MCUB: variants seen among roughly 807,000 people sequenced by gnomAD.
The protein encoded by MCUB is mitochondrial calcium uniporter dominant negative subunit beta.
A neutral mutation model predicts 41.4 loss-of-function variants in MCUB; 46 were observed. That is an observed-to-expected ratio of 1.11 (90% CI 0.88 to 1.42). The LOEUF (loss-of-function observed/expected upper bound fraction) is 1.42, where lower values mean the gene tolerates loss of function less well. Ranked by LOEUF, MCUB falls within the 40% of genes most tolerant of loss-of-function variation. The pLI is 0.00. For missense variants in MCUB, 403 were observed against 404.9 expected (o/e 1.00, Z 0.04); for synonymous variants, 148 against 148.2 (o/e 1.00, Z 0.01).
intron 1 of MCUB, among the ~76,000 whole-genome samples, chr4:109,614,312 G>A (rs1242821696): frequency 2.6e-5 from 4 of 152,072 alleles, no homozygotes; most frequent in Non-Finnish European, 2.9e-5. Flanking sequence ...GTGAATGTTT[G>A]TGTCACCATA....
At chr4:109,637,073 T>A (rs924335533) in intron 1 of MCUB, among the ~76,000 whole-genome samples, 1 of 152,054 alleles carries the variant, frequency 6.6e-6, no homozygotes, top group Non-Finnish European at 1.5e-5. Flanking sequence ...CATTTAGCTA[T>A]GGAAGGAAGA....
At chr4:109,636,809 T>C (rs746033090) in intron 1 of MCUB, among the ~76,000 whole-genome samples, 3 of 152,194 alleles carry the variant, frequency 2.0e-5, no homozygotes, top group Non-Finnish European at 4.4e-5. Context: ...CACTCCAGCC[T>C]GGGAGACGGA....
At chr4:109,621,765 C>T (rs1728254266) in intron 1 of MCUB, among the ~76,000 whole-genome samples, 1 of 152,202 alleles carries the variant, frequency 6.6e-6, no homozygotes, top group African/African-American at 2.4e-5. Context: ...TATAATGTCA[C>T]TATAAGTTAT....
chr4:109,674,852 T>A (rs1182942681), intron 4 of MCUB, among the ~76,000 whole-genome samples: 10 of 152,260 alleles, frequency 6.6e-5, no homozygotes, highest in Non-Finnish European at 1.2e-4. Flanking sequence ...GAACACTTTT[T>A]AAATGTGTGT....
chr4:109,592,876 G>A (rs543394609), intron 1 of MCUB, among the ~76,000 whole-genome samples: 96 of 152,176 alleles, frequency 6.3e-4, no homozygotes, highest in Non-Finnish European at 8.1e-4. Context: ...TAGCCATGGA[G>A]AGAATTTGAA....
At chr4:109,639,556 C>A (rs1485275541) in intron 1 of MCUB, among the ~76,000 whole-genome samples, 1 of 152,020 alleles carries the variant, frequency 6.6e-6, no homozygotes, top group African/African-American at 2.4e-5. Flanking sequence ...GGCATGATGG[C>A]AGGTGCCTGT....
chr4:109,637,965 G>C (rs908793543), intron 1 of MCUB, among the ~76,000 whole-genome samples: 2 of 152,166 alleles, frequency 1.3e-5, no homozygotes, highest in African/African-American at 4.8e-5. Flanking sequence ...GATATTGCAG[G>C]TTTGGTTCCA....
At chr4:109,616,832 CT>C (rs930029316) in intron 1 of MCUB, among the ~76,000 whole-genome samples, 1 of 152,098 alleles carries the variant, frequency 6.6e-6, no homozygotes, top group African/African-American at 2.4e-5. Flanking sequence ...GATTTGCCCT[CT>C]TCCAAAAAAG....
At chr4:109,630,209 C>G (rs1728444122) in intron 1 of MCUB, among the ~76,000 whole-genome samples, 1 of 151,954 alleles carries the variant, frequency 6.6e-6, no homozygotes, top group African/African-American at 2.4e-5. Flanking sequence ...GCCTATAATC[C>G]CAGCTACTTG....
chr4:109,561,561 CAG>C (rs1726638127), intron 1 of MCUB, among the ~76,000 whole-genome samples: 4 of 152,174 alleles, frequency 2.6e-5, no homozygotes, highest in East Asian at 3.9e-4. Flanking sequence ...AATGTAAGAA[CAG>C]GGGCAAACTC....
Position 109,682,696 on chromosome 4 carries a change from T to C in MCUB, c.566T>C (p.Leu189Pro), listed in dbSNP as rs762004439. The C allele has an allele frequency of 3.7e-6, 6 of 1,613,652 alleles. No individual in the cohort carries two copies. In the East Asian group the frequency reaches 6.7e-5, roughly 18 times the overall value. ...CAGAAAAAGAGAGAGCACCATTTAC[T>C]GGAGAAAATTGACCACCTGAAGGAA... The part of the protein sequence containing the change: ...ESQKKREHHL[L>P]EKIDHLKEQL... The change falls in exon 5 of 8, where the codon CTG (leucine) becomes CCG (proline). Residue 189 changes from leucine (L) to proline (P), a missense_variant. Physicochemically the swap from Leu to Pro is moderately conservative, Grantham distance 98 (BLOSUM62 -3). Transcript: ENST00000394650.
At chr4:109,649,075 A>G (rs185150388) in intron 1 of MCUB, among the ~76,000 whole-genome samples, 38 of 152,326 alleles carry the variant, frequency 2.5e-4, no homozygotes, top group Non-Finnish European at 8.8e-5. Context: ...TTTGTTCACT[A>G]CAGCTGAGTA....
At chr4:109,568,464 A>G (rs914690693) in intron 1 of MCUB, among the ~76,000 whole-genome samples, 1 of 151,216 alleles carries the variant, frequency 6.6e-6, no homozygotes, top group Non-Finnish European at 1.5e-5. Context: ...CTTGTCATGT[A>G]TTTTCACCCC....
At chr4:109,640,758 A>G (rs528050352) in intron 1 of MCUB, among the ~76,000 whole-genome samples, 2 of 152,348 alleles carry the variant, frequency 1.3e-5, no homozygotes, top group South Asian at 2.1e-4. Context: ...TCATGTTTCC[A>G]TATCAGCAAT....
chr4:109,672,692 G>A lies in MCUB; in HGVS notation c.451+8298G>A, dbSNP rs144908706. On this transcript the variant is annotated intron_variant, in intron 4 of 7. Coordinates refer to ENST00000394650, the MANE Select transcript of MCUB (RefSeq NM_017918.5). The stretch of plus-strand genomic sequence containing the variant: ...ACTTTGCAGCCAAATTCTAGATCAG[G>A]CAAGAGCCATCAACAGGGAGGGAAT... Among the ~76,000 whole-genome samples the A allele has an allele frequency of 5.3e-5, 8 of 152,254 alleles. No individual in the cohort carries two copies. The East Asian group carries it at 1.5e-3, about 29-fold the overall frequency.
chr4:109,653,133 T>C (rs1339397995), intron 1 of MCUB, among the ~76,000 whole-genome samples: 2 of 152,104 alleles, frequency 1.3e-5, no homozygotes, highest in Non-Finnish European at 2.9e-5. Flanking sequence ...TCCCAGCACT[T>C]TGGGAGGCTG....
At chr4:109,574,465 C>A (rs1380055946) in intron 1 of MCUB, among the ~76,000 whole-genome samples, 7 of 152,166 alleles carry the variant, frequency 4.6e-5, no homozygotes, top group Admixed American at 4.6e-4. Flanking sequence ...GAGCCTGGTG[C>A]TGGAGAAGCC....
chr4:109,636,073 T>A (rs575428575), intron 1 of MCUB, among the ~76,000 whole-genome samples: 1 of 152,318 alleles, frequency 6.6e-6, no homozygotes, highest in East Asian at 1.9e-4. Flanking sequence ...ATAGACTTAG[T>A]CTCAATCTAA....
In MCUB at chr4:109,577,598, CTTTTTTTTTTTTTTTT is replaced by C. The variant is rs71594195; in HGVS notation, c.99+17176_99+17191del. Among the ~76,000 whole-genome samples, 11 of 48,664 alleles carry C rather than the reference CTTTTTTTTTTTTTTTT, an allele frequency of 2.3e-4. 4 individuals carry two copies. In the East Asian group the frequency reaches 5.0e-3, roughly 22 times the overall value. The allele number at this position is 48,664 out of a possible 152,430, so 31.9% of individuals were successfully genotyped here. A position where few individuals can be genotyped will look rare whatever the true frequency, so the allele number is the denominator to read the frequency against. ...ATAGCCTAAAATGGGTACTTGAATT[CTTTTTTTTTTTTTTTT>C]TTTTTTTTTTTTTGAGATGGAGTCT... is the stretch of plus-strand genomic sequence containing the variant. On this transcript the variant is annotated intron_variant, in intron 1 of 7. Coordinates refer to ENST00000394650, the MANE Select transcript of MCUB (RefSeq NM_017918.5).
Sources: gnomAD v4.1 joint callset for allele counts (sites outside exome capture counted in the v4.1 genomes callset) on GRCh38, gnomAD v4.1.1 for gene constraint, MANE v1.5 for transcripts, NCBI Gene and HGNC (gene_info 2026-07-23, HGNC 2026-07-21) for gene names.